The following FAM13B variants were observed in gnomAD, a reference collection of about 807,000 sequenced individuals.
The protein encoded by FAM13B is family with sequence similarity 13 member B.
Under a neutral mutation model 117.3 loss-of-function variants are expected in FAM13B, and 60 were observed. The observed-to-expected ratio is 0.51, with a 90% CI of 0.42 to 0.63. The LOEUF (loss-of-function observed/expected upper bound fraction) is 0.63. Ranked by LOEUF, FAM13B falls within the 30% of genes least tolerant of loss-of-function variation. FAM13B has a pLI of 0.00. For missense variants in FAM13B, 972 were observed against 1,091.9 expected, an observed-to-expected ratio of 0.89 and a Z score of 1.55; for synonymous variants, 332 against 356.1, an observed-to-expected ratio of 0.93 and a Z score of 0.76.
At chr5:138,051,395 A>G (rs1254842242) in intron 1 of FAM13B, among the ~76,000 whole-genome samples, 1 of 152,228 alleles carries the variant, frequency 6.6e-6, no homozygotes, top group Non-Finnish European at 1.5e-5. Flanking sequence ...ACCTACCTCC[A>G]AAGAGGTGTT....
intron 1 of FAM13B, among the ~76,000 whole-genome samples, chr5:138,031,428 C>T (rs1055696982): frequency 6.6e-6 from 1 of 152,176 alleles, no homozygotes; most frequent in South Asian, 2.1e-4. Context: ...TGACTCACGC[C>T]TGTAATCCCA....
chr5:138,029,462 C>T (rs936125401), intron 1 of FAM13B, among the ~76,000 whole-genome samples: 4 of 152,282 alleles, frequency 2.6e-5, no homozygotes, highest in South Asian at 2.1e-4. Context: ...TAGAATATTT[C>T]CTCTCAATAG....
At chr5:138,018,216 T>TA in intron 4 of FAM13B, 86 bp downstream of exon 4, 1 of 1,070,048 alleles carries the variant, frequency 9.3e-7, no homozygotes, top group Non-Finnish European at 1.4e-6. Context: ...ATACTATACT[T>TA]ACTGTTTACA....
rs1439016312 is a variant in FAM13B at position 137,961,442 on chromosome 5, C to G, written c.1244+963G>C. 3.3e-5 allele frequency among the ~76,000 whole-genome samples: 5 copies of G among 152,140 alleles called. 1 individual carries two copies. Among genetic ancestry groups the G allele is most frequent in the African/African-American group, 2.4e-5 (1 of 41,424 alleles). ...GTTAATGTTGTTAATTTTATATCTT[C>G]AGCCCATAGCTCCAATACTTCCTGG... On this transcript the variant is annotated intron_variant, in intron 11 of 23. Coordinates refer to ENST00000689681, the MANE Select transcript of FAM13B (RefSeq NM_001385994.1).
intron 4 of FAM13B, among the ~76,000 whole-genome samples, chr5:138,017,032 G>A (rs976164356): frequency 5.9e-5 from 9 of 152,098 alleles, no homozygotes; most frequent in South Asian, 2.1e-4. Context: ...ACAAAAAAGC[G>A]TAATTTTGGG....
At chr5:138,025,585 T>TAA (rs1355359300) in intron 1 of FAM13B, among the ~76,000 whole-genome samples, 1 of 152,128 alleles carries the variant, frequency 6.6e-6, no homozygotes, top group South Asian at 2.1e-4. Context: ...AAGGTACTTT[T>TAA]GCATTCCATT....
intron 22 of FAM13B, 34 bp from the exon 23 acceptor site, chr5:137,942,079 A>G (rs368315745): frequency 1.3e-6 from 2 of 1,522,858 alleles, no homozygotes; most frequent in Non-Finnish European, 1.8e-6. Context: ...TGAAGGGCAC[A>G]CTTGATTCAT....
chr5:137,956,659 A>G, intron 13 of FAM13B, 117 bp from the exon 14 acceptor site: 1 of 507,376 alleles, frequency 2.0e-6, no homozygotes, highest in Non-Finnish European at 3.2e-6. Context: ...AAAACCAGTT[A>G]GGCATTCTGT....
intron 18 of FAM13B, among the ~76,000 whole-genome samples, chr5:137,947,162 A>G (rs1311697657): frequency 6.6e-6 from 1 of 152,252 alleles, no homozygotes; most frequent in African/African-American, 2.4e-5. Context: ...GTTCCACAGA[A>G]TATCCTTTAA....
intron 4 of FAM13B, 96 bp from the exon 5 acceptor site, chr5:138,012,041 T>G (rs550983996): frequency 1.3e-6 from 1 of 781,802 alleles, no homozygotes; most frequent in Admixed American, 3.2e-5. Context: ...ATCACCTTTT[T>G]AATACAACAA....
chr5:137,949,844 C>T (rs188935569), intron 17 of FAM13B, among the ~76,000 whole-genome samples: 5 of 151,896 alleles, frequency 3.3e-5, no homozygotes, highest in Non-Finnish European at 7.4e-5. Context: ...GCCTGTAAGT[C>T]CCAGCTACTT....
intron 1 of FAM13B, chr5:138,039,789 T>C (rs959912044): frequency 6.6e-6 from 1 of 152,048 alleles, no homozygotes; most frequent in African/African-American, 2.4e-5. Flanking sequence ...ACAACGCCAA[T>C]GTTTGCAGTT....
At chr5:137,990,103 G>C (rs1007011116) in intron 7 of FAM13B, among the ~76,000 whole-genome samples, 1 of 152,136 alleles carries the variant, frequency 6.6e-6, no homozygotes, top group Admixed American at 6.5e-5. Context: ...ATACACTATT[G>C]CTTACATATT....
intron 7 of FAM13B, among the ~76,000 whole-genome samples, chr5:137,999,737 A>T (rs1780743203): frequency 6.6e-6 from 1 of 152,204 alleles, no homozygotes; most frequent in African/African-American, 2.4e-5. Context: ...CTAGAGGCTG[A>T]GAAGTCTGAG....
intron 1 of FAM13B, among the ~76,000 whole-genome samples, chr5:138,043,568 T>C (rs1791558958): frequency 6.6e-6 from 1 of 151,506 alleles, no homozygotes; most frequent in African/African-American, 2.4e-5. Context: ...GCCTCCCAAG[T>C]AGCTGGGACT....
chr5:137,971,631 TAG>T (rs1303568792), intron 10 of FAM13B, among the ~76,000 whole-genome samples: 1 of 151,654 alleles, frequency 6.6e-6, no homozygotes, highest in East Asian at 1.9e-4. Context: ...CTGAAGGAAA[TAG>T]AGATACAAAA....
At chr5:138,051,051 C>T (rs956464026) in intron 1 of FAM13B, among the ~76,000 whole-genome samples, 1 of 152,060 alleles carries the variant, frequency 6.6e-6, no homozygotes, top group Non-Finnish European at 1.5e-5. Flanking sequence ...GCAAAACTCT[C>T]ACTTCACCCT....
chr5:137,941,966 C>T lies in FAM13B; in HGVS notation c.2668G>A (p.Ala890Thr). The change falls in exon 23 of 24, where the codon GCA (alanine) becomes ACA (threonine). Residue 890 changes from alanine (A) to threonine (T), a missense_variant. Coordinates refer to ENST00000689681, the MANE Select transcript of FAM13B (RefSeq NM_001385994.1). ...LRKTLREFEE[A>T]FYQQNGRNAQ... ...AACCTTCCATTTTGTTGATAAAATG[C>T]TTCTTCAAATTCCCGCAACGTTTTG... 6.2e-7 allele frequency: 1 copy of T among 1,613,926 alleles called. No homozygotes were observed. The highest frequency in any genetic ancestry group is 8.5e-7 in the Non-Finnish European group (1 of 1,179,956).
chr5:138,022,171 T>G (rs551112608), intron 1 of FAM13B, among the ~76,000 whole-genome samples: 4 of 151,440 alleles, frequency 2.6e-5, no homozygotes, highest in African/African-American at 9.7e-5. Flanking sequence ...TTAGTTTAAC[T>G]GAGATAACAT....
Sources: gnomAD v4.1 joint callset for allele counts (sites outside exome capture counted in the v4.1 genomes callset) on GRCh38, gnomAD v4.1.1 for gene constraint, MANE v1.5 for transcripts, NCBI Gene and HGNC (gene_info 2026-07-23, HGNC 2026-07-21) for gene names.